UST: variants seen among roughly 807,000 people sequenced by gnomAD.
UST encodes the protein chondroitin sulfate 2-O-sulfotransferase.
A neutral mutation model predicts 45.6 loss-of-function variants in UST; 21 were observed. The observed-to-expected ratio is 0.46, with a 90% CI of 0.33 to 0.66. UST has a LOEUF of 0.66. Among genes scored for constraint, UST ranks in the 30% least tolerant of loss-of-function variants. The probability of loss-of-function intolerance (pLI) is 0.02; values close to 1 mark genes in which losing one functional copy is unlikely to be tolerated. For missense variants in UST, 463 were observed against 512.4 expected, an observed-to-expected ratio of 0.90 and a Z score of 0.93; for synonymous variants, 215 against 200.6, an observed-to-expected ratio of 1.07 and a Z score of -0.61.
chr6:148,951,430 A>G lies in UST; in HGVS notation c.448-2442A>G, dbSNP rs1012938723. On this transcript the variant is annotated intron_variant, in intron 3 of 7. Transcript: ENST00000367463. ...CCATCTTATTCGTGTTTTTATCTCC[A>G]GTGCCTAATAAGTACTCAATGAATG... 2.6e-5 allele frequency among the ~76,000 whole-genome samples: 4 copies of G among 152,180 alleles called. No individual in the cohort carries two copies. The East Asian group carries it at 7.7e-4, about 29-fold the overall frequency.
intron 7 of UST, among the ~76,000 whole-genome samples, chr6:149,035,482 T>A (rs1776228009): frequency 6.6e-6 from 1 of 152,114 alleles, no homozygotes; most frequent in Non-Finnish European, 1.5e-5. Flanking sequence ...CAGCCGGACA[T>A]GGTGGCTCAC....
At chr6:148,764,602 A>T (rs1018568691) in intron 1 of UST, among the ~76,000 whole-genome samples, 1 of 152,114 alleles carries the variant, frequency 6.6e-6, no homozygotes, top group Non-Finnish European at 1.5e-5. Context: ...AGAAATTTTA[A>T]AGCTGGGTGT....
At chr6:149,003,309 A>C (rs920732630) in intron 5 of UST, among the ~76,000 whole-genome samples, 4 of 151,962 alleles carry the variant, frequency 2.6e-5, no homozygotes, top group African/African-American at 4.8e-5. Context: ...GCTCTCTCCC[A>C]CCCCTTTTTC....
intron 2 of UST, among the ~76,000 whole-genome samples, chr6:148,893,800 G>A (rs1779066823): frequency 6.6e-6 from 1 of 152,190 alleles, no homozygotes; most frequent in Admixed American, 6.5e-5. Context: ...AGCTCAACTT[G>A]ACCTTTTTTC....
chr6:148,786,279 G>C (rs973562672), intron 1 of UST, among the ~76,000 whole-genome samples: 1 of 151,928 alleles, frequency 6.6e-6, no homozygotes, highest in Non-Finnish European at 1.5e-5. Context: ...GTGCAGGTTC[G>C]TTACACAGGT....
chr6:149,058,027 GAAAA>G (rs1325545063), intron 7 of UST, among the ~76,000 whole-genome samples: 2 of 152,116 alleles, frequency 1.3e-5, no homozygotes, highest in Non-Finnish European at 2.9e-5. Context: ...ATCACAATCA[GAAAA>G]ATAAATGTTT....
intron 5 of UST, among the ~76,000 whole-genome samples, chr6:148,969,532 G>A (rs1780871993): frequency 6.6e-6 from 1 of 152,108 alleles, no homozygotes; most frequent in African/African-American, 2.4e-5. Context: ...TGCATTACAG[G>A]GTTGTTGGGA....
chr6:149,021,486 C>T lies in UST; in HGVS notation c.937+5C>T. 1 of 1,613,956 alleles carries T rather than the reference C, an allele frequency of 6.2e-7. No homozygotes were observed. The highest frequency in any genetic ancestry group is 8.5e-7 in the Non-Finnish European group (1 of 1,179,902). On this transcript the variant is annotated splice_donor_5th_base_variant and intron_variant, in intron 7 of 7. Coordinates refer to ENST00000367463, the MANE Select transcript of UST (RefSeq NM_005715.3). ...TCAGTATCTACAAAGACCCAGGTAACTTCATTTGTAAGCAAGCTCTTCTCC... is the reference window on the plus strand; with the variant it reads ...TCAGTATCTACAAAGACCCAGGTAATTTCATTTGTAAGCAAGCTCTTCTCC...
intron 7 of UST, among the ~76,000 whole-genome samples, chr6:149,046,814 A>G (rs1776403990): frequency 6.6e-6 from 1 of 152,250 alleles, no homozygotes; most frequent in African/African-American, 2.4e-5. Context: ...GGAGAGACCA[A>G]CACAATTGTT....
At chr6:149,010,251 T>A (rs1252651207) in intron 5 of UST, among the ~76,000 whole-genome samples, 1 of 152,234 alleles carries the variant, frequency 6.6e-6, no homozygotes, top group South Asian at 2.1e-4. Context: ...TTAGCCAGTT[T>A]GACTCCATCA....
At chr6:148,803,889 T>C (rs1270500040) in intron 1 of UST, among the ~76,000 whole-genome samples, 1 of 152,206 alleles carries the variant, frequency 6.6e-6, no homozygotes, top group African/African-American at 2.4e-5. Flanking sequence ...AACCCCAACT[T>C]GTCCTTCAGA....
chr6:149,023,441 C>T (rs1285554907), intron 7 of UST, among the ~76,000 whole-genome samples: 1 of 152,234 alleles, frequency 6.6e-6, no homozygotes, highest in African/African-American at 2.4e-5. Context: ...CCCCAACCAA[C>T]ATGTTAATGG....
chr6:148,833,195 T>G (rs1358510032), intron 1 of UST, among the ~76,000 whole-genome samples: 1 of 152,184 alleles, frequency 6.6e-6, no homozygotes, highest in East Asian at 1.9e-4. Flanking sequence ...TTTTTTAAAA[T>G]TGTGGAACCT....
At chr6:148,853,368 G>T (rs1420592131) in intron 1 of UST, among the ~76,000 whole-genome samples, 1 of 152,164 alleles carries the variant, frequency 6.6e-6, no homozygotes, top group African/African-American at 2.4e-5. Flanking sequence ...TCATTGATGG[G>T]CATTTGGGTT....
chr6:148,750,109 A>G, intron 1 of UST, among the ~76,000 whole-genome samples: 1 of 152,198 alleles, frequency 6.6e-6, no homozygotes, highest in East Asian at 1.9e-4. Context: ...TCCTCAGCCA[A>G]TTTTGGCAGC....
At chr6:148,920,596 C>T (rs1363471279) in intron 2 of UST, among the ~76,000 whole-genome samples, 1 of 152,148 alleles carries the variant, frequency 6.6e-6, no homozygotes, top group Non-Finnish European at 1.5e-5. Flanking sequence ...TGGCCCAATC[C>T]TGGCTCACTG....
intron 5 of UST, among the ~76,000 whole-genome samples, chr6:148,978,728 G>T (rs150167365): frequency 6.6e-6 from 1 of 152,098 alleles, no homozygotes; most frequent in African/African-American, 2.4e-5. Flanking sequence ...TACATGCGGG[G>T]CTTAAAACCT....
chr6:148,962,161 T>C (rs17080637), intron 4 of UST, among the ~76,000 whole-genome samples: 14,171 of 152,292 alleles, frequency 0.093, 2,071 homozygotes, highest in African/African-American at 0.31. Flanking sequence ...AATACATTCT[T>C]AAGCCATCTA....
intron 2 of UST, among the ~76,000 whole-genome samples, chr6:148,912,997 G>C (rs72994212): frequency 6.6e-6 from 1 of 152,022 alleles, no homozygotes; most frequent in Admixed American, 6.5e-5. Context: ...TTTCTGACAC[G>C]CTTCCAGGTT....
Sources: allele counts gnomAD v4.1 joint callset (sites outside exome capture counted in the v4.1 genomes callset), GRCh38; gene constraint gnomAD v4.1.1; transcripts MANE v1.5; gene names NCBI Gene and HGNC (gene_info 2026-07-23, HGNC 2026-07-21).